The following TTC34 variants were observed in gnomAD, a reference collection of about 807,000 sequenced individuals.
The protein encoded by TTC34 is tetratricopeptide repeat protein 34.
In TTC34, 44 loss-of-function variants were observed where a neutral mutation model predicts 40.7. The observed-to-expected ratio is 1.08, with a 90% CI of 0.85 to 1.39. TTC34 has a LOEUF of 1.39. Ranked by LOEUF, TTC34 falls within the 40% of genes most tolerant of loss-of-function variation. The probability of loss-of-function intolerance (pLI) is 0.00; values close to 1 mark genes in which losing one functional copy is unlikely to be tolerated. For missense variants in TTC34, 884 were observed against 838.0 expected (o/e 1.05, Z -0.68); for synonymous variants, 422 against 398.6 (o/e 1.06, Z -0.70).
intron 6 of TTC34, among the ~76,000 whole-genome samples, chr1:2,694,170 CCTGG>C (rs1640755545): frequency 6.8e-6 from 1 of 147,556 alleles, no homozygotes; most frequent in Non-Finnish European, 1.5e-5. Flanking sequence ...CATCTGACGG[CCTGG>C]AACGGCACCC....
exon 9 of TTC34, chr1:2,641,064 A>G (rs112480578): frequency 5.7e-5 from 3 of 52,942 alleles, no homozygotes; most frequent in African/African-American, 1.2e-4. Context: ...GAAGGGAGGT[A>G]TGGGGAGGGC....
At chr1:2,652,699 T>A (rs1639190808) in intron 6 of TTC34, among the ~76,000 whole-genome samples, 1 of 142,986 alleles carries the variant, frequency 7.0e-6, no homozygotes, top group South Asian at 2.3e-4. Context: ...CAGGTGAGCA[T>A]CTGACAGCCT....
intron 6 of TTC34, among the ~76,000 whole-genome samples, chr1:2,751,369 C>A (rs1352518358): frequency 4.3e-4 from 58 of 135,266 alleles, no homozygotes; most frequent in East Asian, 1.2e-3. Context: ...ACCCACACCC[C>A]CAGGTGCGCA....
At chr1:2,783,841 C>A in intron 5 of TTC34, 66 bp from the exon 6 acceptor site, 1 of 1,351,046 alleles carries the variant, frequency 7.4e-7, no homozygotes, top group Non-Finnish European at 9.6e-7. Context: ...ATCTATCCTG[C>A]CCAGCCCGGG....
chr1:2,778,793 G>T (rs954464542), intron 6 of TTC34, among the ~76,000 whole-genome samples: 1 of 152,188 alleles, frequency 6.6e-6, no homozygotes, highest in Non-Finnish European at 1.5e-5. Context: ...ATCTTTATGT[G>T]TACGGTGTGG....
chr1:2,641,323 G>C (rs1384144689), exon 9 of TTC34: 1 of 1,454,690 alleles, frequency 6.9e-7, no homozygotes, highest in Admixed American at 2.5e-5. Context: ...AGGTGCAGAT[G>C]CTAGGGTGGC....
chr1:2,684,821 G>C (rs1009843834), intron 6 of TTC34, among the ~76,000 whole-genome samples: 60 of 93,630 alleles, frequency 6.4e-4, no homozygotes, highest in South Asian at 1.5e-3. Flanking sequence ...CTGACATCGT[G>C]CAGCAGCACC....
At chr1:2,680,906 C>G (rs1183522099) in intron 6 of TTC34, among the ~76,000 whole-genome samples, 4 of 142,820 alleles carry the variant, frequency 2.8e-5, no homozygotes, top group Non-Finnish European at 1.6e-5. Context: ...GACCACACCT[C>G]CAGGTGAGCA....
chr1:2,755,505 A>T (rs1335688078), intron 6 of TTC34, among the ~76,000 whole-genome samples: 1 of 60,352 alleles, frequency 1.7e-5, no homozygotes, highest in African/African-American at 1.1e-4. Context: ...CCCCACACCC[A>T]CAGGTGAGCA....
At chr1:2,683,895 C>T (rs1570805807) in intron 6 of TTC34, among the ~76,000 whole-genome samples, 2 of 143,136 alleles carry the variant, frequency 1.4e-5, no homozygotes, top group African/African-American at 5.4e-5. Context: ...CATCTGACAG[C>T]CTGGGTCGGC....
In TTC34 at chr1:2,751,308, C is replaced by T. The variant is rs1378790886; in HGVS notation, c.2226+32301G>A. On this transcript the variant is annotated intron_variant, in intron 6 of 8. Transcript: ENST00000401095. ...ACACACCCAGGTGAGCATCCGACAC[C>T]GTGGAGCAGAACAAACACCCCCAGG... Among the ~76,000 whole-genome samples the T allele has an allele frequency of 1.1e-4, 4 of 35,404 alleles. 1 individual carries two copies. Among genetic ancestry groups the T allele is most frequent in the East Asian group, 1.0e-3 (1 of 988 alleles). 23.2% of individuals were successfully genotyped at this position (35,404 alleles called of 152,430 possible). A position where few individuals can be genotyped will look rare whatever the true frequency, so the allele number is the denominator to read the frequency against.
chr1:2,795,878 G>A (rs931481283), intron 2 of TTC34, among the ~76,000 whole-genome samples: 1 of 152,250 alleles, frequency 6.6e-6, no homozygotes, highest in South Asian at 2.1e-4. Context: ...TACTAAAGAG[G>A]GCAAAGAAAG....
chr1:2,682,198 A>T (rs1640113269), intron 6 of TTC34, among the ~76,000 whole-genome samples: 1 of 94,286 alleles, frequency 1.1e-5, no homozygotes, highest in African/African-American at 3.5e-5. Flanking sequence ...CTCCCAGGCC[A>T]GCATCCGATA....
At chr1:2,753,072 A>C (rs1641378372) in intron 6 of TTC34, among the ~76,000 whole-genome samples, 1 of 149,360 alleles carries the variant, frequency 6.7e-6, no homozygotes, top group South Asian at 2.1e-4. Flanking sequence ...TGAGCATCTG[A>C]CAGCCTGGAA....
exon 3 of TTC34, chr1:2,789,779 C>T (rs889991551): frequency 2.6e-5 from 14 of 547,880 alleles, no homozygotes; most frequent in Non-Finnish European, 4.1e-5. Context: ...GCGCACACAG[C>T]CCCCCGGGTG....
chr1:2,776,476 C>G (rs971248635), intron 6 of TTC34: 1 of 89,920 alleles, frequency 1.1e-5, no homozygotes, highest in African/African-American at 6.4e-5. Context: ...CCTGGAAAAA[C>G]AACCCCCTTC....
chr1:2,684,364 G>A (rs1346258895), intron 6 of TTC34, among the ~76,000 whole-genome samples: 1 of 151,990 alleles, frequency 6.6e-6, no homozygotes, highest in Non-Finnish European at 1.5e-5. Flanking sequence ...ACCCACAGGT[G>A]AGCATCTGAC....
Position 2,694,638 on chromosome 1 carries a change from C to G in TTC34, c.2227-49075G>C, listed in dbSNP as rs1307745891. On this transcript the variant is annotated intron_variant, in intron 6 of 8. Transcript: ENST00000401095. Reference sequence around the variant, plus strand: ...ACGGAGCAGCACCCACACCTCCCGGCGAGCATCTGACGGCCTGGAACAGCA... The same window carrying G: ...ACGGAGCAGCACCCACACCTCCCGGGGAGCATCTGACGGCCTGGAACAGCA... Among the ~76,000 whole-genome samples the G allele has an allele frequency of 1.8e-4, 12 of 66,086 alleles. 4 individuals carry two copies. The highest frequency in any genetic ancestry group is 5.6e-4 in the African/African-American group (12 of 21,580). The allele number at this position is 66,086 out of a possible 152,430, so 43.4% of individuals were successfully genotyped here.
chr1:2,773,013 C>A (rs372040231), intron 6 of TTC34, among the ~76,000 whole-genome samples: 1 of 151,394 alleles, frequency 6.6e-6, no homozygotes, highest in African/African-American at 2.4e-5. Flanking sequence ...GAGCAGCACC[C>A]ACACCCCCAG....
Sources: gnomAD v4.1 joint callset for allele counts (sites outside exome capture counted in the v4.1 genomes callset) on GRCh38, gnomAD v4.1.1 for gene constraint, MANE v1.5 for transcripts, NCBI Gene and HGNC (gene_info 2026-07-23, HGNC 2026-07-21) for gene names.